Variants in CACNA1C observed in about 807,000 individuals in gnomAD.
The protein encoded by CACNA1C is voltage-dependent L-type calcium channel subunit alpha-1C.
Under a neutral mutation model 229.0 loss-of-function variants are expected in CACNA1C, and 30 were observed. The ratio of observed to expected loss-of-function variants is 0.13; its 90% CI spans 0.10 to 0.18. The LOEUF (loss-of-function observed/expected upper bound fraction) is 0.18, where lower values mean the gene tolerates loss of function less well. Among genes scored for constraint, CACNA1C ranks in the 10% least tolerant of loss-of-function variants. The probability of loss-of-function intolerance (pLI) is 1.00; values close to 1 mark genes in which losing one functional copy is unlikely to be tolerated. For synonymous variants in CACNA1C, 1,114 were observed against 1,132.5 expected (o/e 0.98, Z 0.33); for missense variants, 1,658 against 2,845.0 (o/e 0.58, Z 9.49).
At chr12:2,060,898 CAATT>C (rs2057237321) in intron 1 of CACNA1C, among the ~76,000 whole-genome samples, 2 of 152,344 alleles carry the variant, frequency 1.3e-5, no homozygotes, top group African/African-American at 2.4e-5. Flanking sequence ...CTTGAGTACT[CAATT>C]AAGCTCTATT....
chr12:2,079,237 A>G (rs1302944662), intron 1 of CACNA1C, among the ~76,000 whole-genome samples: 3 of 152,172 alleles, frequency 2.0e-5, no homozygotes, highest in Non-Finnish European at 4.4e-5. Context: ...TATGTGACAA[A>G]CCTGCACGTT....
At chr12:2,518,313 TA>T (rs1047547973) in intron 9 of CACNA1C, among the ~76,000 whole-genome samples, 1 of 151,652 alleles carries the variant, frequency 6.6e-6, no homozygotes, top group African/African-American at 2.4e-5. Flanking sequence ...ATTTGATCTT[TA>T]AAAAAAAATC....
At chr12:2,199,791 A>G (rs1598871670) in intron 3 of CACNA1C, among the ~76,000 whole-genome samples, 1 of 152,100 alleles carries the variant, frequency 6.6e-6, no homozygotes, top group Admixed American at 6.5e-5. Context: ...GTAAAGTGGC[A>G]CCATTTACTT....
intron 13 of CACNA1C, among the ~76,000 whole-genome samples, chr12:2,574,530 C>T (rs1290301392): frequency 6.6e-6 from 1 of 152,206 alleles, no homozygotes; most frequent in Non-Finnish European, 1.5e-5. Flanking sequence ...GCTCCCTTCC[C>T]AGGCCTTGAA....
At chr12:2,578,121 G>A (rs954353175) in intron 13 of CACNA1C, among the ~76,000 whole-genome samples, 37 of 152,130 alleles carry the variant, frequency 2.4e-4, no homozygotes, top group Non-Finnish European at 4.6e-4. Flanking sequence ...GCCCGCCTCG[G>A]CCTCCCAAAG....
intron 3 of CACNA1C, among the ~76,000 whole-genome samples, chr12:2,173,806 A>G (rs1309617411): frequency 1.3e-5 from 2 of 152,066 alleles, no homozygotes; most frequent in African/African-American, 4.8e-5. Flanking sequence ...AGTACCTACT[A>G]CTAGAACTGT....
At chr12:2,614,405 G>A (rs1014956398) in intron 29 of CACNA1C, 2 of 152,238 alleles carry the variant, frequency 1.3e-5, no homozygotes, top group African/African-American at 4.8e-5. Flanking sequence ...TCACCACCCA[G>A]TTAGGAGCAT....
intron 3 of CACNA1C, among the ~76,000 whole-genome samples, chr12:2,235,938 A>G (rs1224936117): frequency 6.6e-6 from 1 of 152,242 alleles, no homozygotes; most frequent in African/African-American, 2.4e-5. Context: ...TGACGTTCAC[A>G]GGACATCACA....
intron 1 of CACNA1C, among the ~76,000 whole-genome samples, chr12:2,025,846 T>C (rs1232887452): frequency 1.3e-5 from 2 of 152,242 alleles, no homozygotes; most frequent in African/African-American, 4.8e-5. Flanking sequence ...GTTTTATTCA[T>C]GCATTTATCA....
chr12:2,211,738 G>A (rs1413644597), intron 3 of CACNA1C, among the ~76,000 whole-genome samples: 6 of 121,700 alleles, frequency 4.9e-5, no homozygotes, highest in Admixed American at 8.9e-5. Context: ...TTTTTTTTGA[G>A]ACAGAGTCTT....
rs529777855 is a variant in CACNA1C at position 2,455,214 on chromosome 12, C to T, written c.618-2353C>T. Reference sequence around the variant, plus strand: ...CAGAAACAAAACCCTCTTGACTCCACGCCCACTTCTAGTAACCCCCTTTTT... The same window carrying T: ...CAGAAACAAAACCCTCTTGACTCCATGCCCACTTCTAGTAACCCCCTTTTT... On this transcript the variant is annotated intron_variant, in intron 4 of 46. Transcript: ENST00000399655. Among the ~76,000 whole-genome samples, 50 of 152,340 alleles carry T rather than the reference C, an allele frequency of 3.3e-4. 1 individual carries two copies. In the South Asian group the frequency reaches 0.01, roughly 31 times the overall value.
At position 2,597,005 on chromosome 12, in the gene CACNA1C, C is replaced by A. The variant is rs1030027098; in HGVS notation, c.2794-225C>A. Among the ~76,000 whole-genome samples, 2 of 152,120 alleles carry A rather than the reference C, an allele frequency of 1.3e-5. No individual in the cohort carries two copies. The highest frequency in any genetic ancestry group is 4.8e-5 in the African/African-American group (2 of 41,428). On this transcript the variant is annotated intron_variant, in intron 20 of 46. Transcript: ENST00000399655. This position sits in a 1 kb window ranked among gnomAD's most constrained non-coding sequence, Gnocchi z 4.3. ...GCTCACCTCACTTATCTGGGGGCTT[C>A]AAGGGAAGCCGCTGTGCTGCCTGAG...
At chr12:2,013,708 G>A (rs2044829370) in intron 1 of CACNA1C, among the ~76,000 whole-genome samples, 2 of 152,194 alleles carry the variant, frequency 1.3e-5, no homozygotes, top group South Asian at 4.1e-4. Context: ...GGGCTGGAAG[G>A]CAGCATCTGT....
chr12:2,192,458 C>T (rs1326995889), intron 3 of CACNA1C, among the ~76,000 whole-genome samples: 1 of 152,206 alleles, frequency 6.6e-6, no homozygotes, highest in African/African-American at 2.4e-5. Flanking sequence ...GGCCGGCTCA[C>T]GTGGGATGGA....
At chr12:2,668,393 A>G (rs1212087527) in intron 37 of CACNA1C, 2 of 152,390 alleles carry the variant, frequency 1.3e-5, no homozygotes, top group Non-Finnish European at 2.9e-5. Flanking sequence ...GGGAGCATTC[A>G]CTCCCTGCCC....
Position 2,493,153 on chromosome 12 carries a change from G to C in CACNA1C, c.917-37G>C. The C allele has an allele frequency of 6.4e-7, 1 of 1,573,420 alleles. No homozygotes were observed. ...TCTCTGCCCACATCTCTCCCTCCCTGCTGCTCCCGTCTCCTGTCTTCTTCT... is the reference window on the plus strand; with the variant it reads ...TCTCTGCCCACATCTCTCCCTCCCTCCTGCTCCCGTCTCCTGTCTTCTTCT... On this transcript the variant is annotated intron_variant, in intron 6 of 46. Coordinates refer to ENST00000399655, the MANE Select transcript of CACNA1C (RefSeq NM_000719.7). The surrounding 1 kb of genome is among the most constrained non-coding windows in gnomAD (Gnocchi z 4.6).
chr12:2,213,712 T>TCCCAGGC (rs765450304), intron 3 of CACNA1C, among the ~76,000 whole-genome samples: 14 of 152,120 alleles, frequency 9.2e-5, no homozygotes, highest in African/African-American at 3.1e-4. Flanking sequence ...TCTGCAGGCC[T>TCCCAGGC]CCCAGGCCCC....
chr12:2,330,898 C>G (rs1299385847), intron 3 of CACNA1C, among the ~76,000 whole-genome samples: 3 of 152,158 alleles, frequency 2.0e-5, no homozygotes, highest in Non-Finnish European at 4.4e-5. Context: ...TATCAAATGT[C>G]TGACTGGGGG....
rs1318299880 is a variant in CACNA1C, at chr12:2,677,229, C to T, written c.4956+8C>T. On this transcript the variant is annotated splice_region_variant and intron_variant, in intron 40 of 46. Coordinates refer to ENST00000399655, the MANE Select transcript of CACNA1C (RefSeq NM_000719.7). The surrounding 1 kb of genome is among the most constrained non-coding windows in gnomAD (Gnocchi z 7.4). ...AACGCGCTGTCTCTGCAGGTGAGGG[C>T]CTGGGGGCGGGCCCACACTCCAGGA... is the stretch of plus-strand genomic sequence containing the variant. 5.6e-6 allele frequency: 9 copies of T among 1,613,100 alleles called. No homozygotes were observed. Among genetic ancestry groups the T allele is most frequent in the Non-Finnish European group, 7.6e-6 (9 of 1,179,574 alleles).
Sources: gnomAD v4.1 joint callset for allele counts (sites outside exome capture counted in the v4.1 genomes callset) on GRCh38, gnomAD v4.1.1 for gene constraint, Gnocchi (gnomAD v3.1) non-coding constraint, MANE v1.5 for transcripts, NCBI Gene and HGNC (gene_info 2026-07-23, HGNC 2026-07-21) for gene names.